Variants in CEP57 observed in about 807,000 individuals in gnomAD.
CEP57 encodes centrosomal protein 57, also known as centrosomal protein of 57 kDa.
In CEP57, 40 loss-of-function variants were observed where a neutral mutation model predicts 68.0. The observed-to-expected ratio is 0.59, with a 90% CI of 0.46 to 0.77. The LOEUF (loss-of-function observed/expected upper bound fraction) is 0.77. Among genes scored for constraint, CEP57 ranks in the 30% least tolerant of loss-of-function variants. The pLI is 0.00. For synonymous variants in CEP57, 219 were observed against 198.7 expected, an observed-to-expected ratio of 1.10 and a Z score of -0.86; for missense variants, 606 against 580.7, an observed-to-expected ratio of 1.04 and a Z score of -0.45.
intron 8 of CEP57, 104 bp from the exon 9 acceptor site, chr11:95,827,677 ATACTC>A: frequency 8.2e-7 from 1 of 1,218,018 alleles, no homozygotes; most frequent in Non-Finnish European, 1.2e-6. Context: ...TAGGATTTAT[ATACTC>A]TACTTTAGGG....
At chr11:95,806,714 C>T (rs142081586) in intron 2 of CEP57, among the ~76,000 whole-genome samples, 4 of 152,106 alleles carry the variant, frequency 2.6e-5, no homozygotes, top group Non-Finnish European at 4.4e-5. Context: ...AGGTAAACAG[C>T]GGTCTGGAAG....
intron 1 of CEP57, among the ~76,000 whole-genome samples, chr11:95,791,491 G>A (rs928200412): frequency 6.6e-6 from 1 of 152,186 alleles, no homozygotes; most frequent in Non-Finnish European, 1.5e-5. Flanking sequence ...AGTAAATGTT[G>A]GAGCTCTTAT....
intron 2 of CEP57, among the ~76,000 whole-genome samples, chr11:95,801,288 C>G (rs1226063262): frequency 6.6e-6 from 1 of 151,880 alleles, no homozygotes; most frequent in Non-Finnish European, 1.5e-5. Flanking sequence ...TAATCACTAA[C>G]CTAGAAGCCT....
rs1386328564 is a variant in CEP57 at position 95,817,904 on chromosome 11, G to T, written c.621+1G>T. The T allele has an allele frequency of 1.9e-6, 3 of 1,558,808 alleles. No individual in the cohort carries two copies. Among genetic ancestry groups the T allele is most frequent in the Non-Finnish European group, 1.8e-6 (2 of 1,129,760 alleles). On this transcript the variant is annotated splice_donor_variant, in intron 5 of 10. Transcript: ENST00000325542. LOFTEE classifies it high-confidence loss of function. ...TACCACAATGCAGGCCCTTGCAGAA[G>T]TCAGTGCATGTGTCTTTTTATTGTT...
At position 95,813,540 on chromosome 11, in the gene CEP57, A is replaced by G; in HGVS notation, c.455A>G (p.Asn152Ser). ...GAAAAACAATTGGAATACATGCGAA[A>G]TATGATAAAGCATGCCGAAATGGAG... ...LLEKQLEYMR[N>S]MIKHAEMERT... is the part of the protein sequence containing the mutation. The change falls in exon 4 of 11, where the codon AAT (asparagine) becomes AGT (serine). Residue 152 changes from asparagine (N) to serine (S), a missense_variant. Coordinates refer to ENST00000325542, the MANE Select transcript of CEP57 (RefSeq NM_014679.5). 1 of 1,613,322 alleles carries G rather than the reference A, an allele frequency of 6.2e-7. No individual in the cohort carries two copies. Among genetic ancestry groups the G allele is most frequent in the Non-Finnish European group, 8.5e-7 (1 of 1,179,978 alleles).
At chr11:95,802,119 A>T (rs1214291866) in intron 2 of CEP57, among the ~76,000 whole-genome samples, 1 of 152,140 alleles carries the variant, frequency 6.6e-6, no homozygotes, top group Non-Finnish European at 1.5e-5. Context: ...TGTGTTGGGG[A>T]GGTTAAAGGA....
At chr11:95,814,351 G>A (rs1227217310) in intron 4 of CEP57, among the ~76,000 whole-genome samples, 1 of 147,880 alleles carries the variant, frequency 6.8e-6, no homozygotes, top group East Asian at 2.0e-4. Context: ...CCCTGGCCTT[G>A]TGTGTATTTT....
chr11:95,810,824 C>A (rs1043407199), intron 2 of CEP57, among the ~76,000 whole-genome samples: 1 of 152,166 alleles, frequency 6.6e-6, no homozygotes, highest in Non-Finnish European at 1.5e-5. Flanking sequence ...CACTGACTTT[C>A]GTCACAGAAT....
At chr11:95,814,329 A>G (rs1242596214) in intron 4 of CEP57, among the ~76,000 whole-genome samples, 2 of 149,940 alleles carry the variant, frequency 1.3e-5, no homozygotes, top group Admixed American at 6.6e-5. Flanking sequence ...GATTACGGGC[A>G]TGAGCCACTG....
At chr11:95,822,268 T>C (rs546452798) in intron 7 of CEP57, 74 of 583,746 alleles carry the variant, frequency 1.3e-4, no homozygotes, top group African/African-American at 1.2e-3. Flanking sequence ...ACTGATTTTC[T>C]ACTTAGAATG....
In CEP57 at chr11:95,813,078, A is replaced by C. The variant is rs947347441; in HGVS notation, c.349A>C (p.Asn117His). ...GGATGAACAGATACAAGAAAGGGAG[A>C]ATTCAAAGAATGAGGAATCAAAGCA... ...VLDEQIQERENSKNEESKHNQ... is the reference protein window; with the variant it reads ...VLDEQIQEREHSKNEESKHNQ... Residue 117 changes from asparagine to histidine, a missense_variant, in exon 3 of 11, where the codon AAT becomes CAT. By Grantham distance (68) the Asn-to-His change is moderately conservative. Coordinates refer to ENST00000325542, the MANE Select transcript of CEP57 (RefSeq NM_014679.5). 1.2e-6 allele frequency: 2 copies of C among 1,613,118 alleles called. No individual in the cohort carries two copies. Among genetic ancestry groups the C allele is most frequent in the African/African-American group, 2.7e-5 (2 of 74,906 alleles).
intron 4 of CEP57, among the ~76,000 whole-genome samples, chr11:95,814,331 G>A (rs910701695): frequency 2.0e-5 from 3 of 150,782 alleles, no homozygotes; most frequent in African/African-American, 7.3e-5. Flanking sequence ...TTACGGGCAT[G>A]AGCCACTGTC....
At chr11:95,791,040 C>A (rs1038487995) in intron 1 of CEP57, among the ~76,000 whole-genome samples, 1 of 152,184 alleles carries the variant, frequency 6.6e-6, no homozygotes, top group Non-Finnish European at 1.5e-5. Context: ...GGATAACTGC[C>A]CACTCCCTGG....
rs767766157 is a variant in CEP57 at position 95,831,348 on chromosome 11, G to T, written c.*92G>T. ...CTTCCCAGGTCTCATACTCACTTAT[G>T]TTGGAATTAATTAATAGCAGGTGTT... On this transcript the variant is annotated 3_prime_UTR_variant, in exon 11 of 11. Coordinates refer to ENST00000325542, the MANE Select transcript of CEP57 (RefSeq NM_014679.5). 4 of 928,928 alleles carry T rather than the reference G, an allele frequency of 4.3e-6. No homozygotes were observed. The highest frequency in any genetic ancestry group is 6.8e-6 in the Non-Finnish European group (4 of 584,124). 57.5% of individuals were successfully genotyped at this position (928,928 alleles called of 1,614,324 possible).
Position 95,827,918 on chromosome 11 carries a change from G to A in CEP57, c.1018G>A (p.Gly340Ser), listed in dbSNP as rs1862817922. The A allele has an allele frequency of 6.2e-7, 1 of 1,614,084 alleles. No homozygotes were observed. The highest frequency in any genetic ancestry group is 8.5e-7 in the Non-Finnish European group (1 of 1,180,020). The change falls in exon 9 of 11, where the codon GGT becomes AGT. Residue 340 changes from glycine to serine, a missense_variant. Physicochemically the swap from Gly to Ser is moderately conservative, Grantham distance 56. Transcript: ENST00000325542. ...TTTGGCAAAGCAAGTATCTTCACGA[G>A]GTGGTAAAAGTAAGAAGTTGTCAGT... Reference protein sequence around the residue: ...IPLAKQVSSRGGKSKKLSVTP... With the variant: ...IPLAKQVSSRSGKSKKLSVTP...
chr11:95,825,393 T>G (rs1475392764), intron 8 of CEP57, among the ~76,000 whole-genome samples: 1 of 152,086 alleles, frequency 6.6e-6, no homozygotes, highest in Non-Finnish European at 1.5e-5. Context: ...GGTGAAGGAT[T>G]TCAAGATACG....
intron 6 of CEP57, among the ~76,000 whole-genome samples, chr11:95,819,919 C>T (rs1007915564): frequency 1.4e-5 from 2 of 147,298 alleles, no homozygotes; most frequent in Non-Finnish European, 3.0e-5. Flanking sequence ...TGTTGTTTTC[C>T]CTCAGTGTGC....
At position 95,794,097 on chromosome 11, in the gene CEP57, G is replaced by A. The variant is rs185259914; in HGVS notation, c.45+3354G>A. 3.2e-3 allele frequency: 1,069 copies of A among 336,778 alleles called. 11 individuals are homozygous for A. The highest frequency in any genetic ancestry group is 0.012 in the South Asian group (500 of 42,042). 20.9% of individuals were successfully genotyped at this position (336,778 alleles called of 1,614,324 possible). On this transcript the variant is annotated intron_variant, in intron 1 of 10. Coordinates refer to ENST00000325542, the MANE Select transcript of CEP57 (RefSeq NM_014679.5). ...CTTTTTTTAAAGCAAACATTAAAGA[G>A]ATCTGCAGAAATGTAAAATAGTGCC... is the stretch of plus-strand genomic sequence containing the variant.
chr11:95,797,375 C>T (rs1343370587), intron 1 of CEP57, among the ~76,000 whole-genome samples: 4 of 152,060 alleles, frequency 2.6e-5, no homozygotes. Context: ...ACCATGTTGG[C>T]CAGGCTGGTC....
Sources: gnomAD v4.1 joint callset for allele counts (sites outside exome capture counted in the v4.1 genomes callset) on GRCh38, gnomAD v4.1.1 for gene constraint, MANE v1.5 for transcripts, NCBI Gene and HGNC (gene_info 2026-07-23, HGNC 2026-07-21) for gene names.